Variants in POU6F2 observed in about 807,000 individuals in gnomAD.
POU6F2 encodes the protein POU domain, class 6, transcription factor 2.
In POU6F2, 31 loss-of-function variants were observed where a neutral mutation model predicts 71.3. The observed-to-expected ratio is 0.43, with a 90% CI of 0.33 to 0.59. POU6F2 has a LOEUF of 0.59. Among genes scored for constraint, POU6F2 ranks in the 20% least tolerant of loss-of-function variants. The pLI, the probability that POU6F2 is intolerant of heterozygous loss-of-function variation, is 0.04. For synonymous variants in POU6F2, 347 were observed against 355.7 expected (o/e 0.98, Z 0.27); for missense variants, 783 against 856.8 (o/e 0.91, Z 1.07).
chr7:39,361,608 C>A, intron 5 of POU6F2, among the ~76,000 whole-genome samples: 1 of 152,172 alleles, frequency 6.6e-6, no homozygotes, highest in Non-Finnish European at 1.5e-5. Context: ...TATTTTCCTC[C>A]TAATGTGTTA....
intron 8 of POU6F2, among the ~76,000 whole-genome samples, chr7:39,452,892 A>G (rs1788695310): frequency 6.6e-6 from 1 of 152,146 alleles, no homozygotes; most frequent in African/African-American, 2.4e-5. Context: ...CAGGAGTTCG[A>G]CACCAGCCTG....
chr7:39,261,895 C>T (rs1784144642), intron 4 of POU6F2, among the ~76,000 whole-genome samples: 1 of 152,172 alleles, frequency 6.6e-6, no homozygotes, highest in African/African-American at 2.4e-5. Context: ...AGGAAATGAG[C>T]CAGTAAATCT....
At chr7:39,273,666 G>C (rs1426370660) in intron 4 of POU6F2, among the ~76,000 whole-genome samples, 1 of 151,960 alleles carries the variant, frequency 6.6e-6, no homozygotes, top group Non-Finnish European at 1.5e-5. Flanking sequence ...TGTAAGACTA[G>C]AGGTTTCTTG....
intron 3 of POU6F2, among the ~76,000 whole-genome samples, chr7:39,207,030 C>T (rs1794026635): frequency 6.6e-6 from 1 of 152,182 alleles, no homozygotes. Context: ...AAAAATCCCA[C>T]TGATCCCAAT....
chr7:39,208,914 G>A (rs900064491), intron 4 of POU6F2, among the ~76,000 whole-genome samples: 2 of 151,994 alleles, frequency 1.3e-5, no homozygotes, highest in East Asian at 1.9e-4. Context: ...GAAGAAATGG[G>A]CATTATCAAA....
intron 2 of POU6F2, among the ~76,000 whole-genome samples, chr7:39,152,520 G>A (rs932224720): frequency 2.0e-5 from 3 of 152,172 alleles, no homozygotes; most frequent in East Asian, 3.9e-4. Context: ...GTGGCAAATG[G>A]GCAAAGCAGT....
chr7:39,234,897 A>G (rs2128750548), intron 4 of POU6F2, among the ~76,000 whole-genome samples: 1 of 152,288 alleles, frequency 6.6e-6, no homozygotes, highest in East Asian at 1.9e-4. Context: ...CCAGACTGCT[A>G]ACTGAGTGAA....
At chr7:39,257,153 G>C (rs1010831932) in intron 4 of POU6F2, among the ~76,000 whole-genome samples, 3 of 152,128 alleles carry the variant, frequency 2.0e-5, no homozygotes, top group Non-Finnish European at 4.4e-5. Context: ...TTTATATTTT[G>C]GGAAATAGTG....
chr7:39,363,422 A>C (rs1786432565), intron 5 of POU6F2, among the ~76,000 whole-genome samples: 1 of 152,014 alleles, frequency 6.6e-6, no homozygotes, highest in Non-Finnish European at 1.5e-5. Flanking sequence ...AAGATCACTA[A>C]ATGTTTAACA....
intron 2 of POU6F2, among the ~76,000 whole-genome samples, chr7:39,196,852 G>A (rs1178409991): frequency 6.6e-6 from 1 of 152,164 alleles, no homozygotes; most frequent in Non-Finnish European, 1.5e-5. Context: ...CAAAATTTGA[G>A]GATCCTTTCT....
At position 39,273,348 on chromosome 7, in the gene POU6F2, T is replaced by C. The variant is rs1011757600; in HGVS notation, c.598+65728T>C. On this transcript the variant is annotated intron_variant, in intron 4 of 9. Coordinates refer to ENST00000518318, the MANE Select transcript of POU6F2 (RefSeq NM_001370959.1). ...AAGGTTAACATTATCAGCGATGCCA[T>C]GTGGATGTCATGTACCCTCTGATAG... 2.0e-5 allele frequency among the ~76,000 whole-genome samples: 3 copies of C among 152,202 alleles called. 1 individual carries two copies. The highest frequency in any genetic ancestry group is 7.2e-5 in the African/African-American group (3 of 41,450).
Position 38,978,049 on chromosome 7 carries a change from AATTGGTCAGGT to A in POU6F2, c.99_105+4del, listed in dbSNP as rs1386257681. 9 of 152,336 alleles carry A rather than the reference AATTGGTCAGGT, an allele frequency of 5.9e-5. No individual in the cohort carries two copies. Among genetic ancestry groups the A allele is most frequent in the Non-Finnish European group, 1.3e-4 (9 of 68,054 alleles). 9.4% of individuals were successfully genotyped at this position (152,336 alleles called of 1,614,324 possible). ...AGGACACGGGGACCATGCAAGCTGT[AATTGGTCAGGT>A]ATGGAGTCAGCCATTTCTCAACTCC... On this transcript the variant is annotated splice_donor_variant and coding_sequence_variant, in exon 1 of 10. Coordinates refer to ENST00000518318, the MANE Select transcript of POU6F2 (RefSeq NM_001370959.1). LOFTEE classifies it high-confidence loss of function.
intron 2 of POU6F2, among the ~76,000 whole-genome samples, chr7:39,089,512 A>C (rs1329434106): frequency 5.9e-5 from 9 of 152,158 alleles, no homozygotes; most frequent in Admixed American, 5.9e-4. Flanking sequence ...CATTCTCAAA[A>C]CTGGCCTTTG....
intron 2 of POU6F2, among the ~76,000 whole-genome samples, chr7:39,129,638 T>C (rs1792216320): frequency 6.6e-6 from 1 of 151,770 alleles, no homozygotes; most frequent in Non-Finnish European, 1.5e-5. Context: ...GATAGATAGA[T>C]AGATAGATAG....
chr7:39,007,003 T>G, intron 1 of POU6F2: 1 of 827,004 alleles, frequency 1.2e-6, no homozygotes, highest in Non-Finnish European at 2.0e-6. Context: ...TCCCTTATGC[T>G]CTGATGTGCT....
intron 2 of POU6F2, among the ~76,000 whole-genome samples, chr7:39,096,307 T>A (rs2128722741): frequency 6.6e-6 from 1 of 152,278 alleles, no homozygotes; most frequent in Admixed American, 6.5e-5. Flanking sequence ...AAGCAGTTGT[T>A]AAAGGCCAAA....
At chr7:39,273,723 A>G (rs1221141353) in intron 4 of POU6F2, among the ~76,000 whole-genome samples, 7 of 151,968 alleles carry the variant, frequency 4.6e-5, no homozygotes, top group Non-Finnish European at 1.0e-4. Flanking sequence ...AGTGAGTACT[A>G]ACTAGGTCCC....
intron 1 of POU6F2, among the ~76,000 whole-genome samples, chr7:39,057,114 T>C (rs1790545625): frequency 6.6e-6 from 1 of 152,152 alleles, no homozygotes; most frequent in Admixed American, 6.6e-5. Context: ...TCCTCTCTCT[T>C]AAGTCTTTCC....
chr7:39,405,258 T>C (rs1787398578), intron 5 of POU6F2, among the ~76,000 whole-genome samples: 1 of 152,152 alleles, frequency 6.6e-6, no homozygotes, highest in Non-Finnish European at 1.5e-5. Flanking sequence ...TATTTCCTTC[T>C]TCATAAGATA....
Sources: gnomAD v4.1 joint callset for allele counts (sites outside exome capture counted in the v4.1 genomes callset) on GRCh38, gnomAD v4.1.1 for gene constraint, MANE v1.5 for transcripts, NCBI Gene and HGNC (gene_info 2026-07-23, HGNC 2026-07-21) for gene names.